MDFIC: variants seen among roughly 807,000 people sequenced by gnomAD.
MDFIC encodes MyoD family inhibitor domain containing, also known as myoD family inhibitor domain-containing protein.
MDFIC carries 17 observed loss-of-function variants against 23.2 expected under a neutral mutation model. The observed-to-expected ratio is 0.73, with a 90% CI of 0.50 to 1.10. The LOEUF (loss-of-function observed/expected upper bound fraction) is 1.10, where lower values mean the gene tolerates loss of function less well. MDFIC is among the 50% of genes least tolerant of loss of function. The pLI is 0.00. For synonymous variants in MDFIC, 120 were observed against 115.2 expected (o/e 1.04, Z -0.27); for missense variants, 356 against 316.6 (o/e 1.12, Z -0.95).
At chr7:114,947,488 T>C (rs574967924) in intron 3 of MDFIC, among the ~76,000 whole-genome samples, 2 of 152,286 alleles carry the variant, frequency 1.3e-5, no homozygotes, top group East Asian at 3.9e-4. Context: ...TTTGATGGGC[T>C]CCTGTATTTA....
At chr7:114,932,155 A>C (rs1431335261) in intron 2 of MDFIC, among the ~76,000 whole-genome samples, 1 of 152,224 alleles carries the variant, frequency 6.6e-6, no homozygotes, top group African/African-American at 2.4e-5. Context: ...ACAATATAAA[A>C]TATTCTAAAA....
At chr7:115,006,044 C>T (rs1791564515) in intron 4 of MDFIC, among the ~76,000 whole-genome samples, 1 of 152,202 alleles carries the variant, frequency 6.6e-6, no homozygotes, top group Admixed American at 6.5e-5. Flanking sequence ...TGGGGCCTGT[C>T]TCTTCTGTCA....
intron 2 of MDFIC, among the ~76,000 whole-genome samples, chr7:114,931,335 C>T: frequency 6.6e-6 from 1 of 152,164 alleles, no homozygotes; most frequent in East Asian, 1.9e-4. Flanking sequence ...CAGATTCACG[C>T]CCACATGATC....
At chr7:114,982,582 C>A (rs1439114738) in intron 4 of MDFIC, among the ~76,000 whole-genome samples, 1 of 152,002 alleles carries the variant, frequency 6.6e-6, no homozygotes, top group Non-Finnish European at 1.5e-5. Context: ...GTAGTCTTAA[C>A]TACTCAGGAG....
Position 114,922,974 on chromosome 7 carries a change from C to T in MDFIC, c.-60C>T, listed in dbSNP as rs1438010958. 1.3e-6 allele frequency: 2 copies of T among 1,549,158 alleles called. No homozygotes were observed. The highest frequency in any genetic ancestry group is 3.8e-5 in the Admixed American group (2 of 53,128). ...AGCACCTCACAGCCCTTCCTCCGTG[C>T]GCCCTGCCGGGCGGCGAGCTAGGCG... On this transcript the variant is annotated 5_prime_UTR_variant, in exon 2 of 5. Transcript: ENST00000393486.
rs78967116 is a variant in MDFIC, at chr7:114,930,797, T to C, written c.94+7670T>C. Among the ~76,000 whole-genome samples the C allele has an allele frequency of 3.7e-3, 567 of 152,310 alleles. 4 individuals are homozygous for C. In the East Asian group the frequency reaches 0.039, roughly 10 times the overall value. On this transcript the variant is annotated intron_variant, in intron 2 of 4. Transcript: ENST00000393486. Reference sequence around the variant, plus strand: ...ACAGATAAAAAAAAATTCAACCAGATTATCTTTCTGAGACAATGTAAATAT... The same window carrying C: ...ACAGATAAAAAAAAATTCAACCAGACTATCTTTCTGAGACAATGTAAATAT...
chr7:114,983,735 T>G (rs1033326786), intron 4 of MDFIC, among the ~76,000 whole-genome samples: 6 of 151,538 alleles, frequency 4.0e-5, no homozygotes, highest in Admixed American at 2.6e-4. Context: ...GCCTGGCTAA[T>G]TTTTTTTGTA....
Position 114,963,728 on chromosome 7 carries a change from G to A in MDFIC, c.218-15778G>A, listed in dbSNP as rs183205548. On this transcript the variant is annotated intron_variant, in intron 3 of 4. Transcript: ENST00000393486. The stretch of plus-strand genomic sequence containing the variant: ...CCTAAGTAGCTAAGAGTACAGGCAC[G>A]TGCCACCATGCCTGGATAATTTTAT... Among the ~76,000 whole-genome samples, 303 of 152,160 alleles carry A rather than the reference G, an allele frequency of 2.0e-3. 3 individuals are homozygous for A. Among genetic ancestry groups the A allele is most frequent in the African/African-American group, 6.2e-3 (259 of 41,526 alleles).
chr7:114,967,196 G>C lies in MDFIC; in HGVS notation c.218-12310G>C, dbSNP rs990181636. Among the ~76,000 whole-genome samples the C allele has an allele frequency of 5.3e-5, 8 of 152,280 alleles. No individual in the cohort carries two copies. In the East Asian group the frequency reaches 1.5e-3, roughly 29 times the overall value. ...CAGATGCACAAAAGTCAGGTGAAAA[G>C]ATTCTGATTAGTTTCAGCCAGTCAT... On this transcript the variant is annotated intron_variant, in intron 3 of 4. Coordinates refer to ENST00000393486, the MANE Select transcript of MDFIC (RefSeq NM_001166345.3).
At chr7:114,944,984 A>T (rs1415726794) in intron 3 of MDFIC, among the ~76,000 whole-genome samples, 2 of 152,206 alleles carry the variant, frequency 1.3e-5, no homozygotes, top group East Asian at 1.9e-4. Flanking sequence ...CAGAAAAATG[A>T]GGCTGGCTGG....
In MDFIC at chr7:114,942,408, T is replaced by G. The variant is rs1563138196; in HGVS notation, c.217+11T>G. The G allele has an allele frequency of 1.3e-6, 2 of 1,558,908 alleles. No individual in the cohort carries two copies. The highest frequency in any genetic ancestry group is 1.7e-6 in the Non-Finnish European group (2 of 1,157,068). ...GTGAACTCATTAGAAGTAAGTATTTTTAGAAAAAACTTTGAGTGATTTTGG... is the reference window on the plus strand; with the variant it reads ...GTGAACTCATTAGAAGTAAGTATTTGTAGAAAAAACTTTGAGTGATTTTGG... On this transcript the variant is annotated intron_variant, in intron 3 of 4. Coordinates refer to ENST00000393486, the MANE Select transcript of MDFIC (RefSeq NM_001166345.3).
At chr7:114,991,193 G>T (rs1264805436) in intron 4 of MDFIC, among the ~76,000 whole-genome samples, 1 of 152,148 alleles carries the variant, frequency 6.6e-6, no homozygotes, top group African/African-American at 2.4e-5. Context: ...TTGTGATGGG[G>T]TTGTTTGTTT....
At chr7:114,923,323 G>A (rs1792128929) in intron 2 of MDFIC, 196 bp downstream of exon 2, 1 of 1,156,428 alleles carries the variant, frequency 8.6e-7, no homozygotes, top group Non-Finnish European at 1.2e-6. Flanking sequence ...GGGTAAGAGG[G>A]CGGGAACCGT....
chr7:114,992,546 G>A (rs1791197076), intron 4 of MDFIC, among the ~76,000 whole-genome samples: 1 of 152,128 alleles, frequency 6.6e-6, no homozygotes, highest in Non-Finnish European at 1.5e-5. Flanking sequence ...TTTATTGAGA[G>A]TTTTTAGTAT....
At chr7:114,987,657 T>C (rs567526762) in intron 4 of MDFIC, among the ~76,000 whole-genome samples, 1 of 152,284 alleles carries the variant, frequency 6.6e-6, no homozygotes, top group South Asian at 2.1e-4. Context: ...AGCCAACACA[T>C]TAAATTGAAA....
At chr7:114,953,334 A>C (rs1792817012) in intron 3 of MDFIC, among the ~76,000 whole-genome samples, 1 of 152,224 alleles carries the variant, frequency 6.6e-6, no homozygotes, top group South Asian at 2.1e-4. Flanking sequence ...ATATATCATA[A>C]AAATCTTTTT....
chr7:114,995,989 T>A (rs888588115), intron 4 of MDFIC, among the ~76,000 whole-genome samples: 1 of 152,194 alleles, frequency 6.6e-6, no homozygotes, highest in African/African-American at 2.4e-5. Flanking sequence ...TGAAGGTAAC[T>A]GAAGAGATTG....
rs1792098984 is a variant in MDFIC, at chr7:114,922,416, A to G, written c.-328A>G. ...TGAGCTGGCTGGAAAGAGGGGGCGGAGTGCGCGGAGTCAGAGCCGCCACCG... is the reference window on the plus strand; with the variant it reads ...TGAGCTGGCTGGAAAGAGGGGGCGGGGTGCGCGGAGTCAGAGCCGCCACCG... On this transcript the variant is annotated 5_prime_UTR_variant, in exon 1 of 5. Coordinates refer to ENST00000393486, the MANE Select transcript of MDFIC (RefSeq NM_001166345.3). The G allele has an allele frequency of 1.6e-6, 2 of 1,239,404 alleles. No homozygotes were observed. The highest frequency in any genetic ancestry group is 1.5e-5 in the African/African-American group (1 of 64,520). The allele number at this position is 1,239,404 out of a possible 1,614,324, so 76.8% of individuals were successfully genotyped here.
At chr7:114,922,894 T>A (rs765345395) in intron 1 of MDFIC, 33 bp from the exon 2 acceptor site, 2 of 1,542,956 alleles carry the variant, frequency 1.3e-6, no homozygotes, top group Admixed American at 3.8e-5. Flanking sequence ...CTAAAAACAT[T>A]TTTTTTTTTA....
Sources: gnomAD v4.1 joint callset for allele counts (sites outside exome capture counted in the v4.1 genomes callset) on GRCh38, gnomAD v4.1.1 for gene constraint, MANE v1.5 for transcripts, NCBI Gene and HGNC (gene_info 2026-07-23, HGNC 2026-07-21) for gene names.